The following CCSER1 variants were observed in gnomAD, a reference collection of about 807,000 sequenced individuals.
CCSER1 encodes the protein serine-rich coiled-coil domain-containing protein 1.
In CCSER1, 41 loss-of-function variants were observed where a neutral mutation model predicts 82.0. That is an observed-to-expected ratio of 0.50 (90% confidence interval 0.39 to 0.65). The LOEUF (loss-of-function observed/expected upper bound fraction) is 0.65. CCSER1 is among the 30% of genes least tolerant of loss of function. The pLI, the probability that CCSER1 is intolerant of heterozygous loss-of-function variation, is 0.00. For synonymous variants in CCSER1, 414 were observed against 383.9 expected (o/e 1.08, Z -0.92); for missense variants, 1,119 against 1,064.2 (o/e 1.05, Z -0.72).
At chr4:90,527,776 C>A (rs1448863557) in intron 5 of CCSER1, among the ~76,000 whole-genome samples, 1 of 151,770 alleles carries the variant, frequency 6.6e-6, no homozygotes, top group Non-Finnish European at 1.5e-5. Context: ...ATATATCCTG[C>A]CTTTTATGAA....
chr4:91,491,739 C>G (rs1019227326), intron 10 of CCSER1, among the ~76,000 whole-genome samples: 1 of 151,876 alleles, frequency 6.6e-6, no homozygotes, highest in Admixed American at 6.6e-5. Flanking sequence ...ATATTTTTTC[C>G]TATTATTAAA....
chr4:91,078,086 G>A (rs1462199260), intron 9 of CCSER1, among the ~76,000 whole-genome samples: 1 of 152,344 alleles, frequency 6.6e-6, no homozygotes, highest in East Asian at 1.9e-4. Flanking sequence ...CGGCTTTGAA[G>A]AGAATAGTGG....
chr4:90,424,214 C>T (rs893403847), intron 4 of CCSER1, among the ~76,000 whole-genome samples: 5 of 151,440 alleles, frequency 3.3e-5, no homozygotes, highest in South Asian at 2.1e-4. Context: ...ATAAAATGTG[C>T]GTCTTGCAAG....
chr4:90,178,433 T>G (rs1480592970), intron 1 of CCSER1, among the ~76,000 whole-genome samples: 4 of 152,152 alleles, frequency 2.6e-5, no homozygotes, highest in Non-Finnish European at 5.9e-5. Context: ...CACATACTTT[T>G]ATATTGGCTT....
At chr4:91,533,982 C>A (rs1017799272) in intron 10 of CCSER1, among the ~76,000 whole-genome samples, 3 of 151,926 alleles carry the variant, frequency 2.0e-5, no homozygotes, top group African/African-American at 7.2e-5. Context: ...GAATCATTTT[C>A]CCCTTGAGAC....
chr4:90,909,456 G>A (rs1725999752), intron 8 of CCSER1, among the ~76,000 whole-genome samples: 1 of 152,106 alleles, frequency 6.6e-6, no homozygotes, highest in Non-Finnish European at 1.5e-5. Flanking sequence ...GTAGGCTGGG[G>A]TGGAGGCAGT....
chr4:90,200,223 C>T (rs1249289406), intron 1 of CCSER1, among the ~76,000 whole-genome samples: 1 of 151,972 alleles, frequency 6.6e-6, no homozygotes, highest in African/African-American at 2.4e-5. Flanking sequence ...CTGGACCATC[C>T]CACACCTGAA....
At chr4:90,370,423 C>A (rs1747189141) in intron 3 of CCSER1, 1 of 152,100 alleles carries the variant, frequency 6.6e-6, no homozygotes, top group South Asian at 2.1e-4. Context: ...GTTGGATTTT[C>A]ACTTTCAACT....
chr4:91,403,366 G>A (rs1378458577), intron 10 of CCSER1, among the ~76,000 whole-genome samples: 2 of 151,840 alleles, frequency 1.3e-5, no homozygotes, highest in Non-Finnish European at 2.9e-5. Context: ...CTTCCTCATT[G>A]CTAATGGAAT....
At chr4:91,502,211 A>C (rs975885665) in intron 10 of CCSER1, among the ~76,000 whole-genome samples, 1 of 152,170 alleles carries the variant, frequency 6.6e-6, no homozygotes, top group Non-Finnish European at 1.5e-5. Flanking sequence ...AGTTTTAAAA[A>C]GATTTCTTAT....
chr4:91,076,697 T>A (rs1220526847), intron 9 of CCSER1, among the ~76,000 whole-genome samples: 1 of 152,220 alleles, frequency 6.6e-6, no homozygotes, highest in Non-Finnish European at 1.5e-5. Context: ...GTAAGTCTTG[T>A]CTTCCAGCTT....
chr4:90,908,084 C>T (rs1725770063), intron 8 of CCSER1, among the ~76,000 whole-genome samples: 1 of 152,040 alleles, frequency 6.6e-6, no homozygotes, highest in East Asian at 1.9e-4. Flanking sequence ...AACATGGTCC[C>T]TGCTCTAAGG....
At chr4:91,267,041 C>G (rs1346519556) in intron 10 of CCSER1, among the ~76,000 whole-genome samples, 7 of 152,166 alleles carry the variant, frequency 4.6e-5, no homozygotes, top group Admixed American at 4.6e-4. Context: ...GCAGATTTAT[C>G]TCCTTCCTTC....
At chr4:90,499,592 A>C (rs913947363) in intron 5 of CCSER1, among the ~76,000 whole-genome samples, 3 of 152,048 alleles carry the variant, frequency 2.0e-5, no homozygotes, top group African/African-American at 7.2e-5. Context: ...TTTTCACACT[A>C]TCTATTTGCC....
At chr4:91,285,399 C>A (rs974935940) in intron 10 of CCSER1, among the ~76,000 whole-genome samples, 20 of 151,386 alleles carry the variant, frequency 1.3e-4, no homozygotes, top group African/African-American at 4.8e-4. Flanking sequence ...ATTATATGTG[C>A]TATGAAGCCA....
chr4:91,033,996 G>C (rs984187737), intron 9 of CCSER1, among the ~76,000 whole-genome samples: 1 of 152,104 alleles, frequency 6.6e-6, no homozygotes, highest in Non-Finnish European at 1.5e-5. Context: ...CCATCAAAGA[G>C]GAAGCACCCT....
At chr4:90,940,646 G>A (rs913519608) in intron 9 of CCSER1, among the ~76,000 whole-genome samples, 1 of 151,964 alleles carries the variant, frequency 6.6e-6, no homozygotes, top group East Asian at 1.9e-4. Context: ...TCCCAAAAGG[G>A]GGACAAGAGA....
At chr4:91,507,655 ACGTC>A (rs1434908862) in intron 10 of CCSER1, among the ~76,000 whole-genome samples, 1 of 151,718 alleles carries the variant, frequency 6.6e-6, no homozygotes, top group Non-Finnish European at 1.5e-5. Context: ...TTCTGAATAC[ACGTC>A]CTTTACATAT....
intron 10 of CCSER1, among the ~76,000 whole-genome samples, chr4:91,090,984 T>C (rs898759242): frequency 1.3e-5 from 2 of 152,176 alleles, no homozygotes; most frequent in Admixed American, 1.3e-4. Context: ...GGGGCTTCCT[T>C]TCCCTTTTTG....
Sources: gnomAD v4.1 joint callset for allele counts (sites outside exome capture counted in the v4.1 genomes callset) on GRCh38, gnomAD v4.1.1 for gene constraint, MANE v1.5 for transcripts, NCBI Gene and HGNC (gene_info 2026-07-23, HGNC 2026-07-21) for gene names.